Variants in MINDY2 observed in about 807,000 individuals in gnomAD.
MINDY2 encodes MINDY lysine 48 deubiquitinase 2, also known as ubiquitin carboxyl-terminal hydrolase MINDY-2.
A neutral mutation model predicts 68.2 loss-of-function variants in MINDY2; 52 were observed. The ratio of observed to expected loss-of-function variants is 0.76; its 90% CI spans 0.61 to 0.96. The LOEUF is 0.96. Among genes scored for constraint, MINDY2 ranks in the 40% least tolerant of loss-of-function variants. The probability of loss-of-function intolerance (pLI) is 0.00; values close to 1 mark genes in which losing one functional copy is unlikely to be tolerated. For synonymous variants in MINDY2, 372 were observed against 303.0 expected, an observed-to-expected ratio of 1.23 and a Z score of -2.36; for missense variants, 881 against 773.4, an observed-to-expected ratio of 1.14 and a Z score of -1.65.
chr15:58,787,618 T>G (rs751611114), intron 1 of MINDY2, among the ~76,000 whole-genome samples: 1 of 151,280 alleles, frequency 6.6e-6, no homozygotes, highest in African/African-American at 2.4e-5. Flanking sequence ...GTGCCTGTAG[T>G]CCCAGCTACT....
chr15:58,771,557 G>T lies in MINDY2; in HGVS notation c.162G>T (p.Leu54=). The T allele has an allele frequency of 6.2e-7, 1 of 1,611,138 alleles. No individual in the cohort carries two copies. Among genetic ancestry groups the T allele is most frequent in the Non-Finnish European group, 8.5e-7 (1 of 1,179,498 alleles). ...CGGAGACCAGCGGCGGGAATGGGCT[G>T]GGGGCGGCGGCCGCCAGGAGGAGCC... ...WAAETSGGNG[L]GAAAARRSLP... Residue 54 remains leucine (L), a synonymous_variant, in exon 1 of 9, where the codon CTG becomes CTT. Coordinates refer to ENST00000559228, the MANE Select transcript of MINDY2 (RefSeq NM_001040450.3).
intron 6 of MINDY2, among the ~76,000 whole-genome samples, chr15:58,837,567 T>A (rs1178233754): frequency 1.3e-5 from 2 of 151,996 alleles, no homozygotes; most frequent in African/African-American, 4.8e-5. Flanking sequence ...AAACCTTTTT[T>A]AAACAAACTA....
At chr15:58,789,807 G>A (rs1486082861) in intron 2 of MINDY2, among the ~76,000 whole-genome samples, 4 of 151,822 alleles carry the variant, frequency 2.6e-5, no homozygotes, top group Non-Finnish European at 4.4e-5. Context: ...ACCACCACAC[G>A]TGGCTAATTT....
intron 4 of MINDY2, among the ~76,000 whole-genome samples, chr15:58,810,751 A>G (rs2030182872): frequency 6.6e-6 from 1 of 152,188 alleles, no homozygotes; most frequent in African/African-American, 2.4e-5. Context: ...ATTACAGTTC[A>G]TTACAGGGCA....
rs759958688 is a variant in MINDY2, at chr15:58,847,415, G to A, written c.1487G>A (p.Arg496Gln). The A allele has an allele frequency of 8.7e-6, 14 of 1,605,652 alleles. No homozygotes were observed. The highest frequency in any genetic ancestry group is 1.7e-5 in the Admixed American group (1 of 59,912). The change falls in exon 7 of 9, where the codon CGA becomes CAA. Residue 496 changes from arginine (R) to glutamine (Q), a missense_variant. Transcript: ENST00000559228. Reference protein sequence around the residue: ...GNFCDSEFHLRPPSDPETVYK... With the variant: ...GNFCDSEFHLQPPSDPETVYK... ...TTCTGTGACTCAGAATTTCATCTTC[G>A]ACCTCCTTCAGATCCTGAAACTGTA...
At chr15:58,848,790 CT>C (rs2032665996) in intron 7 of MINDY2, among the ~76,000 whole-genome samples, 1 of 152,160 alleles carries the variant, frequency 6.6e-6, no homozygotes. Context: ...ATGCATCTTT[CT>C]AGGACTTTTC....
chr15:58,830,417 A>G (rs1305950596), intron 5 of MINDY2, among the ~76,000 whole-genome samples: 5 of 152,170 alleles, frequency 3.3e-5, no homozygotes, highest in African/African-American at 1.2e-4. Flanking sequence ...TCCAAAATCT[A>G]AACACCAACA....
At chr15:58,852,484 C>T (rs573319884) in intron 8 of MINDY2, among the ~76,000 whole-genome samples, 13 of 152,028 alleles carry the variant, frequency 8.6e-5, no homozygotes, top group Admixed American at 2.6e-4. Flanking sequence ...TTTTAAAATT[C>T]GTAATAGCTG....
intron 3 of MINDY2, among the ~76,000 whole-genome samples, chr15:58,805,163 C>T (rs1424147986): frequency 1.3e-5 from 2 of 152,072 alleles, no homozygotes; most frequent in African/African-American, 4.8e-5. Context: ...CAAAAAGTAC[C>T]CTGCTTTTAA....
intron 2 of MINDY2, 24 bp downstream of exon 2, chr15:58,787,987 A>G (rs776196679): frequency 3.2e-6 from 5 of 1,541,876 alleles, no homozygotes; most frequent in East Asian, 4.6e-5. Flanking sequence ...AGTGGATTTT[A>G]TATCTCTTTC....
chr15:58,778,418 A>C (rs1900909819), intron 1 of MINDY2, among the ~76,000 whole-genome samples: 1 of 151,948 alleles, frequency 6.6e-6, no homozygotes, highest in South Asian at 2.1e-4. Flanking sequence ...AGGGTCCTGA[A>C]GCAGGATTTT....
At chr15:58,794,923 C>G (rs1567046039) in intron 2 of MINDY2, among the ~76,000 whole-genome samples, 1 of 151,786 alleles carries the variant, frequency 6.6e-6, no homozygotes, top group Non-Finnish European at 1.5e-5. Flanking sequence ...CGCAGTGGCT[C>G]ACGGCTGTAA....
intron 6 of MINDY2, among the ~76,000 whole-genome samples, chr15:58,843,629 T>C (rs1439413934): frequency 1.3e-5 from 2 of 151,842 alleles, no homozygotes; most frequent in African/African-American, 4.8e-5. Flanking sequence ...GACAGTGGAG[T>C]TCGAGACCAG....
At chr15:58,779,388 A>C (rs527322704) in intron 1 of MINDY2, among the ~76,000 whole-genome samples, 2 of 152,164 alleles carry the variant, frequency 1.3e-5, no homozygotes, top group South Asian at 4.1e-4. Context: ...ATTTCTCCCT[A>C]CCTCCTTGAT....
rs1567079858 is a variant in MINDY2 at position 58,852,972 on chromosome 15, A to ATTTTTTTTTTTTTTTTTTTT, written c.1737+1007_1737+1008insTTTTTTTTTTTTTTTTTTTT. On this transcript the variant is annotated intron_variant, in intron 8 of 8. Coordinates refer to ENST00000559228, the MANE Select transcript of MINDY2 (RefSeq NM_001040450.3). ...TTTTTTTTTTTTTTTTTTTTTTTTA[A>ATTTTTTTTTTTTTTTTTTTT]GACAGAGTCTCACTCTGTTGCCCAG... Among the ~76,000 whole-genome samples, 35 of 17,270 alleles carry ATTTTTTTTTTTTTTTTTTTT rather than the reference A, an allele frequency of 2.0e-3. 13 individuals carry two copies. The highest frequency in any genetic ancestry group is 2.8e-3 in the Non-Finnish European group (17 of 6,082). 11.3% of individuals were successfully genotyped at this position (17,270 alleles called of 152,430 possible).
At chr15:58,823,983 C>A (rs918021989) in intron 5 of MINDY2, among the ~76,000 whole-genome samples, 2 of 152,068 alleles carry the variant, frequency 1.3e-5, no homozygotes, top group Non-Finnish European at 2.9e-5. Flanking sequence ...CAGTAATGTC[C>A]AATATACCAG....
Position 58,771,518 on chromosome 15 carries a change from T to A in MINDY2, c.123T>A (p.Pro41=). The A allele has an allele frequency of 6.2e-7, 1 of 1,612,056 alleles. No individual in the cohort carries two copies. Among genetic ancestry groups the A allele is most frequent in the Non-Finnish European group, 8.5e-7 (1 of 1,179,682 alleles). The change falls in exon 1 of 9, where the codon CCT becomes CCA. Residue 41 remains proline, a synonymous_variant. Coordinates refer to ENST00000559228, the MANE Select transcript of MINDY2 (RefSeq NM_001040450.3). ...CCAGGCTCGCCGCTGGTGATGGTCC[T>A]GGGGTATGGGCGGCGGAGACCAGCG... is the stretch of plus-strand genomic sequence containing the variant. ...QETRLAAGDG[P]GVWAAETSGG... is the part of the protein sequence containing the mutation.
intron 6 of MINDY2, among the ~76,000 whole-genome samples, chr15:58,846,629 A>G (rs1050257952): frequency 1.3e-5 from 2 of 151,878 alleles, no homozygotes; most frequent in Non-Finnish European, 2.9e-5. Context: ...CATGTAACCC[A>G]CAAATACATA....
intron 5 of MINDY2, 90 bp from the exon 6 acceptor site, chr15:58,831,684 C>G (rs1595761648): frequency 5.0e-6 from 6 of 1,191,938 alleles, no homozygotes; most frequent in Non-Finnish European, 7.0e-6. Flanking sequence ...TGGCCTTTTT[C>G]CATACTTGGA....
Sources: allele counts gnomAD v4.1 joint callset (sites outside exome capture counted in the v4.1 genomes callset), GRCh38; gene constraint gnomAD v4.1.1; transcripts MANE v1.5; gene names NCBI Gene and HGNC (gene_info 2026-07-23, HGNC 2026-07-21).